The following MMP16 variants were observed in gnomAD, a reference collection of about 807,000 sequenced individuals.
The protein encoded by MMP16 is matrix metallopeptidase 16.
A neutral mutation model predicts 67.8 loss-of-function variants in MMP16; 12 were observed. That is an observed-to-expected ratio of 0.18 (90% CI 0.11 to 0.29). MMP16 has a LOEUF of 0.29. Ranked by LOEUF, MMP16 falls within the 10% of genes least tolerant of loss-of-function variation. The pLI is 1.00. For missense variants in MMP16, 475 were observed against 765.7 expected (o/e 0.62, Z 4.48); for synonymous variants, 249 against 255.9 (o/e 0.97, Z 0.26).
intron 4 of MMP16, among the ~76,000 whole-genome samples, chr8:88,123,797 G>T (rs1489239554): frequency 2.6e-5 from 4 of 151,810 alleles, no homozygotes; most frequent in South Asian, 2.1e-4. Flanking sequence ...GAAGCTGAGA[G>T]AAGCTGATCT....
intron 7 of MMP16, among the ~76,000 whole-genome samples, chr8:88,072,884 ACATGCC>A (rs1456311666): frequency 6.6e-6 from 1 of 152,166 alleles, no homozygotes; most frequent in East Asian, 1.9e-4. Context: ...CCACTGGAGG[ACATGCC>A]TTTTATGCTG....
At chr8:88,168,222 A>G (rs1432745389) in intron 3 of MMP16, among the ~76,000 whole-genome samples, 2 of 152,182 alleles carry the variant, frequency 1.3e-5, no homozygotes, top group Non-Finnish European at 2.9e-5. Context: ...CAGTAGGGCA[A>G]TTGGATCAAT....
At chr8:88,125,418 C>A (rs780160401) in intron 4 of MMP16, among the ~76,000 whole-genome samples, 1 of 151,774 alleles carries the variant, frequency 6.6e-6, no homozygotes, top group African/African-American at 2.4e-5. Context: ...AACAAATTGC[C>A]ATTTAACAGG....
At chr8:88,051,715 A>C (rs1195996215) in intron 8 of MMP16, among the ~76,000 whole-genome samples, 9 of 152,216 alleles carry the variant, frequency 5.9e-5, no homozygotes. Flanking sequence ...GACGATAATA[A>C]TTAAGAAAAT....
chr8:88,131,021 A>G (rs1259146460), intron 4 of MMP16, among the ~76,000 whole-genome samples: 1 of 151,806 alleles, frequency 6.6e-6, no homozygotes, highest in African/African-American at 2.4e-5. Flanking sequence ...GAACCTAATT[A>G]ATGGGAAGCA....
At chr8:88,320,194 T>C (rs1245619888) in intron 1 of MMP16, among the ~76,000 whole-genome samples, 1 of 152,200 alleles carries the variant, frequency 6.6e-6, no homozygotes, top group Non-Finnish European at 1.5e-5. Flanking sequence ...AGGTAGAAAC[T>C]GGATTTTAAA....
chr8:88,272,643 T>C (rs990540530), intron 1 of MMP16, among the ~76,000 whole-genome samples: 3 of 152,330 alleles, frequency 2.0e-5, no homozygotes, highest in Middle Eastern at 6.8e-3. Flanking sequence ...GTAGATAATA[T>C]TTGTGTTGTC....
intron 7 of MMP16, among the ~76,000 whole-genome samples, chr8:88,067,697 A>G (rs909694601): frequency 3.3e-5 from 5 of 152,114 alleles, no homozygotes; most frequent in African/African-American, 9.6e-5. Flanking sequence ...TGTCTGAATT[A>G]TTTCACAGCA....
chr8:88,266,200 G>A (rs1017727604), intron 1 of MMP16, among the ~76,000 whole-genome samples: 1 of 152,144 alleles, frequency 6.6e-6, no homozygotes. Flanking sequence ...CCACTGTGGA[G>A]TACAACCCAC....
chr8:88,250,378 T>C (rs1810191143), intron 1 of MMP16, among the ~76,000 whole-genome samples: 1 of 152,124 alleles, frequency 6.6e-6, no homozygotes, highest in South Asian at 2.1e-4. Flanking sequence ...TACTGAAGTG[T>C]TATTATAAGA....
chr8:88,069,954 C>A (rs1187285575), intron 7 of MMP16, among the ~76,000 whole-genome samples: 5 of 152,112 alleles, frequency 3.3e-5, no homozygotes, highest in African/African-American at 1.2e-4. Context: ...GACACACTTA[C>A]CAATTCTGGA....
intron 7 of MMP16, among the ~76,000 whole-genome samples, chr8:88,060,538 A>C (rs1025909886): frequency 3.3e-5 from 5 of 152,124 alleles, no homozygotes; most frequent in Non-Finnish European, 5.9e-5. Flanking sequence ...TCTCATCTAC[A>C]TTCCACTTAT....
intron 1 of MMP16, among the ~76,000 whole-genome samples, chr8:88,312,430 A>G (rs28907884): frequency 0.011 from 1,625 of 152,288 alleles, 28 homozygotes; most frequent in African/African-American, 0.037. Context: ...GAACCGGATT[A>G]TATATTCAAT....
intron 1 of MMP16, among the ~76,000 whole-genome samples, chr8:88,258,205 G>T (rs975550487): frequency 1.3e-5 from 2 of 152,016 alleles, no homozygotes; most frequent in Non-Finnish European, 2.9e-5. Flanking sequence ...CCTCCTGATT[G>T]CTTTGTCCAG....
intron 1 of MMP16, among the ~76,000 whole-genome samples, chr8:88,225,913 T>C (rs919822219): frequency 6.6e-6 from 1 of 152,046 alleles, no homozygotes; most frequent in African/African-American, 2.4e-5. Context: ...AACCTGTGTG[T>C]GTGTGTCTGT....
intron 6 of MMP16, among the ~76,000 whole-genome samples, chr8:88,111,225 T>C (rs376251409): frequency 6.6e-6 from 1 of 151,740 alleles, no homozygotes; most frequent in African/African-American, 2.4e-5. Context: ...CATCCCACTA[T>C]ATGGGGTTAC....
At chr8:88,066,454 T>TA (rs1473674945) in intron 7 of MMP16, among the ~76,000 whole-genome samples, 3 of 151,962 alleles carry the variant, frequency 2.0e-5, no homozygotes, top group Non-Finnish European at 2.9e-5. Context: ...TCTCTCTAAA[T>TA]AAAAAACAAA....
chr8:88,164,380 C>T (rs1469919923), intron 4 of MMP16, among the ~76,000 whole-genome samples: 2 of 152,004 alleles, frequency 1.3e-5, no homozygotes, highest in East Asian at 3.9e-4. Flanking sequence ...AATAGTTTCA[C>T]ACATAGTTAG....
chr8:88,112,664 A>AGG (rs1485179303), intron 6 of MMP16, among the ~76,000 whole-genome samples: 17 of 12,300 alleles, frequency 1.4e-3, no homozygotes, highest in East Asian at 3.7e-3. Flanking sequence ...TAAGGACAGA[A>AGG]GGGTGTGTGT....
Sources: allele counts gnomAD v4.1 joint callset (sites outside exome capture counted in the v4.1 genomes callset), GRCh38; gene constraint gnomAD v4.1.1; transcripts MANE v1.5; gene names NCBI Gene and HGNC (gene_info 2026-07-23, HGNC 2026-07-21).